SCAI: variants seen among roughly 807,000 people sequenced by gnomAD.
The protein encoded by SCAI is suppressor of cancer cell invasion, also known as protein SCAI.
Under a neutral mutation model 92.2 loss-of-function variants are expected in SCAI, and 24 were observed. The observed-to-expected ratio is 0.26, with a 90% CI of 0.19 to 0.37. The LOEUF (loss-of-function observed/expected upper bound fraction) is 0.37, where lower values mean the gene tolerates loss of function less well. SCAI is among the 10% of genes least tolerant of loss of function. The pLI is 1.00. For missense variants in SCAI, 450 were observed against 736.2 expected, an observed-to-expected ratio of 0.61 and a Z score of 4.50; for synonymous variants, 261 against 258.6, an observed-to-expected ratio of 1.01 and a Z score of -0.09.
intron 9 of SCAI, among the ~76,000 whole-genome samples, chr9:125,009,847 C>T (rs1158389974): frequency 1.3e-5 from 2 of 151,958 alleles, no homozygotes; most frequent in African/African-American, 4.8e-5. Flanking sequence ...GAGTCAAGAT[C>T]ACACCACTGT....
chr9:125,140,541 T>C (rs946854224), intron 2 of SCAI, among the ~76,000 whole-genome samples: 1 of 151,796 alleles, frequency 6.6e-6, no homozygotes, highest in African/African-American at 2.4e-5. Flanking sequence ...AAAAAGTAAG[T>C]GAAAATAATT....
chr9:125,079,598 A>C (rs1834169489), intron 2 of SCAI, among the ~76,000 whole-genome samples: 1 of 152,058 alleles, frequency 6.6e-6, no homozygotes, highest in Non-Finnish European at 1.5e-5. Context: ...TTTTTAACCT[A>C]CCTTAATTAA....
intron 2 of SCAI, among the ~76,000 whole-genome samples, chr9:125,123,157 T>A (rs1247993966): frequency 1.3e-5 from 2 of 151,758 alleles, no homozygotes; most frequent in African/African-American, 4.8e-5. Flanking sequence ...TGCTCAGGAG[T>A]TCAAGACCAG....
chr9:125,020,816 C>A (rs757710534), intron 6 of SCAI, 47 bp from the exon 7 acceptor site: 2 of 858,244 alleles, frequency 2.3e-6, no homozygotes, highest in African/African-American at 1.8e-5. Flanking sequence ...AAAAAGAATG[C>A]TTTTTGATTT....
At chr9:125,078,139 G>T (rs985927454) in intron 2 of SCAI, among the ~76,000 whole-genome samples, 9 of 150,916 alleles carry the variant, frequency 6.0e-5, no homozygotes, top group Non-Finnish European at 1.0e-4. Flanking sequence ...TCCTTTTTGT[G>T]AGTTGTCTTC....
intron 2 of SCAI, among the ~76,000 whole-genome samples, chr9:125,130,524 T>G (rs1835376080): frequency 6.6e-6 from 1 of 152,100 alleles, no homozygotes; most frequent in Non-Finnish European, 1.5e-5. Context: ...ACCTCTTTTT[T>G]TTTTCTTTGA....
chr9:125,098,467 C>A (rs1372444717), intron 2 of SCAI, among the ~76,000 whole-genome samples: 3 of 152,188 alleles, frequency 2.0e-5, no homozygotes, highest in Admixed American at 6.5e-5. Context: ...TTATTTTCCA[C>A]AAAATGACTA....
At chr9:125,051,438 A>C (rs1221739279) in intron 3 of SCAI, among the ~76,000 whole-genome samples, 2 of 152,176 alleles carry the variant, frequency 1.3e-5, no homozygotes, top group Non-Finnish European at 2.9e-5. Flanking sequence ...CATTATTAGT[A>C]TTGTAAAATT....
At chr9:124,985,992 T>C (rs942075254) in intron 14 of SCAI, among the ~76,000 whole-genome samples, 1 of 151,306 alleles carries the variant, frequency 6.6e-6, no homozygotes, top group African/African-American at 2.4e-5. Flanking sequence ...TAAGAAACTA[T>C]AAAAAGGGCA....
intron 9 of SCAI, among the ~76,000 whole-genome samples, chr9:125,016,941 TAATA>T (rs1171571927): frequency 2.0e-5 from 3 of 152,270 alleles, no homozygotes; most frequent in South Asian, 2.1e-4. Flanking sequence ...GCGTAGATAC[TAATA>T]AATATTTTAA....
intron 12 of SCAI, 91 bp downstream of exon 12, chr9:125,001,874 T>A: frequency 1.2e-6 from 1 of 858,010 alleles, no homozygotes. Flanking sequence ...CTAGAAAGGC[T>A]GAGATGGTCT....
intron 14 of SCAI, among the ~76,000 whole-genome samples, chr9:124,980,723 G>A (rs949952822): frequency 6.6e-6 from 1 of 152,168 alleles, no homozygotes; most frequent in Non-Finnish European, 1.5e-5. Flanking sequence ...CTGGAAGTTT[G>A]TACTTGGTTT....
intron 2 of SCAI, among the ~76,000 whole-genome samples, chr9:125,063,060 T>A (rs1359145250): frequency 1.4e-5 from 2 of 139,754 alleles, no homozygotes; most frequent in African/African-American, 2.6e-5. Flanking sequence ...GTGTAAGTAC[T>A]AATGAAGTCA....
At chr9:124,995,039 T>G (rs1410083792) in intron 13 of SCAI, 24 bp from the exon 14 acceptor site, 4 of 1,523,276 alleles carry the variant, frequency 2.6e-6, no homozygotes, top group Non-Finnish European at 9.1e-7. Context: ...AACGAAGAAC[T>G]GTTAAACTGT....
intron 9 of SCAI, among the ~76,000 whole-genome samples, chr9:125,005,915 C>T (rs1832496540): frequency 6.6e-6 from 1 of 152,146 alleles, no homozygotes; most frequent in South Asian, 2.1e-4. Flanking sequence ...AAGTCTCCCC[C>T]AAGAATTCAC....
chr9:125,055,831 A>G, intron 3 of SCAI, 45 bp downstream of exon 3: 1 of 1,522,112 alleles, frequency 6.6e-7, no homozygotes, highest in South Asian at 1.3e-5. Context: ...AAAAAAAACA[A>G]ATGCAGAACT....
intron 3 of SCAI, among the ~76,000 whole-genome samples, chr9:125,040,739 A>C (rs413055): frequency 0.72 from 109,128 of 151,806 alleles, 39,672 homozygotes; most frequent in African/African-American, 0.8. Context: ...CGTTCTCCTG[A>C]CTCAGCCTCC....
chr9:125,115,290 T>C (rs910799203), intron 2 of SCAI, among the ~76,000 whole-genome samples: 3 of 142,488 alleles, frequency 2.1e-5, no homozygotes, highest in Admixed American at 1.6e-4. Flanking sequence ...GAGAATGACA[T>C]GAACTCGGGA....
chr9:124,992,383 T>C (rs1832145986), intron 14 of SCAI, among the ~76,000 whole-genome samples: 1 of 150,438 alleles, frequency 6.6e-6, no homozygotes, highest in African/African-American at 2.5e-5. Context: ...TCTCTTTTCA[T>C]TTCTTTTTTT....
Sources: allele counts gnomAD v4.1 joint callset (sites outside exome capture counted in the v4.1 genomes callset), GRCh38; gene constraint gnomAD v4.1.1; transcripts MANE v1.5; gene names NCBI Gene and HGNC (gene_info 2026-07-23, HGNC 2026-07-21).